The following EXTL2 variants were observed in gnomAD, a reference collection of about 807,000 sequenced individuals.
The protein encoded by EXTL2 is exostosin like glycosyltransferase 2.
Under a neutral mutation model 30.7 loss-of-function variants are expected in EXTL2, and 23 were observed. The ratio of observed to expected loss-of-function variants is 0.75; its 90% CI spans 0.54 to 1.06. The LOEUF (loss-of-function observed/expected upper bound fraction) is 1.06, where lower values mean the gene tolerates loss of function less well. Among genes scored for constraint, EXTL2 ranks in the 50% least tolerant of loss-of-function variants. The probability of loss-of-function intolerance (pLI) is 0.00; values close to 1 mark genes in which losing one functional copy is unlikely to be tolerated. For missense variants in EXTL2, 352 were observed against 396.3 expected (o/e 0.89, Z 0.95); for synonymous variants, 123 against 133.8 (o/e 0.92, Z 0.56).
intron 2 of EXTL2, among the ~76,000 whole-genome samples, chr1:100,879,012 G>C (rs553761802): frequency 6.6e-6 from 1 of 152,256 alleles, no homozygotes; most frequent in South Asian, 2.1e-4. Flanking sequence ...GATAGCCATA[G>C]AACAGTAGTG....
At chr1:100,881,485 T>C (rs1356898195) in intron 2 of EXTL2, among the ~76,000 whole-genome samples, 1 of 152,214 alleles carries the variant, frequency 6.6e-6, no homozygotes, top group African/African-American at 2.4e-5. Context: ...AGCACCTCAG[T>C]TCTCTTGCCC....
chr1:100,888,498 G>A, intron 2 of EXTL2: 2 of 328,672 alleles, frequency 6.1e-6, no homozygotes, highest in East Asian at 4.4e-5. Context: ...GAGGTACCTA[G>A]GAAAGTCAAA....
chr1:100,889,187 G>T (rs1382196402), intron 1 of EXTL2, among the ~76,000 whole-genome samples: 7 of 152,214 alleles, frequency 4.6e-5, no homozygotes, highest in African/African-American at 1.7e-4. Flanking sequence ...CATCACGGAA[G>T]ATGAAGCAGG....
intron 1 of EXTL2, among the ~76,000 whole-genome samples, chr1:100,891,278 G>A (rs1308345667): frequency 6.6e-6 from 1 of 152,174 alleles, no homozygotes; most frequent in Non-Finnish European, 1.5e-5. Context: ...TAGCTGTATT[G>A]TTAGGCATAA....
At chr1:100,892,750 T>A (rs893487595) in intron 1 of EXTL2, among the ~76,000 whole-genome samples, 6 of 152,242 alleles carry the variant, frequency 3.9e-5, no homozygotes, top group Non-Finnish European at 7.3e-5. Context: ...GCAAAACATT[T>A]GAACATGTCA....
rs763209489 is a variant in EXTL2 at position 100,874,020 on chromosome 1, A to G, written c.915T>C (p.Asp305=). Reference sequence around the variant, plus strand: ...TGTTGGAGTATCTTAAGGGCATGCTATCATAGATATTAACAAGCTTATTTA... The same window carrying G: ...TGTTGGAGTATCTTAAGGGCATGCTGTCATAGATATTAACAAGCTTATTTA... ...YCINKLVNIY[D]SMPLRYSNIM... The change falls in exon 5 of 5, where the codon GAT becomes GAC. Residue 305 remains aspartate (D), a synonymous_variant. Coordinates refer to ENST00000370114, the MANE Select transcript of EXTL2 (RefSeq NM_001033025.3). The G allele has an allele frequency of 1.9e-6, 3 of 1,612,780 alleles. No homozygotes were observed. The highest frequency in any genetic ancestry group is 2.2e-5 in the East Asian group (1 of 44,862).
chr1:100,885,228 C>T (rs540828151), intron 2 of EXTL2, among the ~76,000 whole-genome samples: 17 of 152,210 alleles, frequency 1.1e-4, no homozygotes, highest in Non-Finnish European at 1.9e-4. Context: ...TTTTTTTTCA[C>T]ATCTTTTCAA....
rs905209106 is a variant in EXTL2, at chr1:100,884,757, A to T, written c.5+3996T>A. 2.0e-5 allele frequency among the ~76,000 whole-genome samples: 3 copies of T among 152,194 alleles called. No homozygotes were observed. The East Asian group carries it at 5.8e-4, about 29-fold the overall frequency. ...TCCCTCACCACTCTCCACCCTGAGT[A>T]TTCCAGTGAACTCTGATTACTGTGT... On this transcript the variant is annotated intron_variant, in intron 2 of 4. Transcript: ENST00000370114.
intron 1 of EXTL2, among the ~76,000 whole-genome samples, chr1:100,892,019 T>G (rs1650469741): frequency 6.6e-6 from 1 of 152,216 alleles, no homozygotes; most frequent in Non-Finnish European, 1.5e-5. Flanking sequence ...TTTCATTTAT[T>G]TGGAGATTAG....
chr1:100,873,898 C>CA lies in EXTL2; in HGVS notation c.*43dup, dbSNP rs1270851147. 4.6e-6 allele frequency: 7 copies of CA among 1,516,910 alleles called. No individual in the cohort carries two copies. In the African/African-American group the frequency reaches 7.0e-5, roughly 15 times the overall value. The allele number at this position is 1,516,910 out of a possible 1,614,324, so 94.0% of individuals were successfully genotyped here. A position where few individuals can be genotyped will look rare whatever the true frequency, so the allele number is the denominator to read the frequency against. On this transcript the variant is annotated 3_prime_UTR_variant, in exon 5 of 5. Transcript: ENST00000370114. Reference sequence around the variant, plus strand: ...AAATACATAGCATGGAGAAGCTACTCAAATGCCAAGCAGTTTTCAGGTTTG... The same window carrying CA: ...AAATACATAGCATGGAGAAGCTACTCAAAATGCCAAGCAGTTTTCAGGTTTG...
intron 4 of EXTL2, 83 bp from the exon 5 acceptor site, chr1:100,874,513 A>AAT: frequency 9.0e-7 from 1 of 1,111,072 alleles, no homozygotes; most frequent in African/African-American, 1.6e-5. Context: ...TATTACAGAG[A>AAT]GAATGAAACT....
intron 3 of EXTL2, 135 bp from the exon 4 acceptor site, chr1:100,876,999 G>C: frequency 1.7e-6 from 1 of 591,976 alleles, no homozygotes; most frequent in Non-Finnish European, 3.0e-6. Context: ...ATGTATTCTT[G>C]GGGAGATTTG....
chr1:100,891,107 C>A (rs751576720), intron 1 of EXTL2, among the ~76,000 whole-genome samples: 5 of 152,218 alleles, frequency 3.3e-5, no homozygotes, highest in Non-Finnish European at 7.3e-5. Flanking sequence ...TATGTTTATG[C>A]ATGTATACAC....
intron 2 of EXTL2, chr1:100,878,509 T>G: frequency 2.1e-6 from 1 of 469,330 alleles, no homozygotes; most frequent in East Asian, 7.0e-5. Flanking sequence ...GAGGAGATGA[T>G]AGGGAGAAAC....
chr1:100,889,011 A>C, intron 1 of EXTL2, 183 bp from the exon 2 acceptor site: 1 of 384,176 alleles, frequency 2.6e-6, no homozygotes, highest in Non-Finnish European at 4.7e-6. Context: ...ATGATTAATG[A>C]CTTCCAGTGA....
chr1:100,875,160 G>C (rs1221801281), intron 4 of EXTL2, among the ~76,000 whole-genome samples: 1 of 151,530 alleles, frequency 6.6e-6, no homozygotes, highest in African/African-American at 2.4e-5. Flanking sequence ...AGAATTTATA[G>C]GGTTGAAAGT....
Position 100,894,728 on chromosome 1 carries a change from T to A in EXTL2, c.-167A>T, listed in dbSNP as rs1463346477. 1.3e-5 allele frequency: 2 copies of A among 150,764 alleles called. No individual in the cohort carries two copies. The highest frequency in any genetic ancestry group is 4.9e-5 in the African/African-American group (2 of 40,976). 9.3% of individuals were successfully genotyped at this position (150,764 alleles called of 1,614,324 possible). On this transcript the variant is annotated 5_prime_UTR_variant, in exon 1 of 5. Transcript: ENST00000370114. ...GGGGCGTCTCGTTTGCTCATTTTTG[T>A]TTTTTTTTCTAAACCAAGTAGCGTG... is the stretch of plus-strand genomic sequence containing the variant.
chr1:100,877,916 T>A lies in EXTL2; in HGVS notation c.6-13A>T. Reference sequence around the variant, plus strand: ...GATGTGGCAACACCTGGAGTAGAAATGGAAACAACATACAAATGTTAGCAT... The same window carrying A: ...GATGTGGCAACACCTGGAGTAGAAAAGGAAACAACATACAAATGTTAGCAT... On this transcript the variant is annotated splice_polypyrimidine_tract_variant and intron_variant, in intron 2 of 4. Transcript: ENST00000370114. This position sits in a 1 kb window ranked among gnomAD's most constrained non-coding sequence, Gnocchi z 4.1. The A allele has an allele frequency of 6.3e-7, 1 of 1,580,448 alleles. No individual in the cohort carries two copies. The highest frequency in any genetic ancestry group is 8.6e-7 in the Non-Finnish European group (1 of 1,167,584).
intron 4 of EXTL2, among the ~76,000 whole-genome samples, chr1:100,875,232 C>CACAA (rs943867525): frequency 2.5e-5 from 2 of 80,488 alleles, no homozygotes; most frequent in East Asian, 5.3e-4. Context: ...GAACTAGGGA[C>CACAA]ACACACACAC....
Sources: allele counts gnomAD v4.1 joint callset (sites outside exome capture counted in the v4.1 genomes callset), GRCh38; gene constraint gnomAD v4.1.1; non-coding constraint Gnocchi (gnomAD v3.1); transcripts MANE v1.5; gene names NCBI Gene and HGNC (gene_info 2026-07-23, HGNC 2026-07-21).